Variants in CCDC159 observed in about 807,000 individuals in gnomAD.
The protein encoded by CCDC159 is coiled-coil domain containing 159, also known as coiled-coil domain-containing protein 159.
CCDC159 carries 40 observed loss-of-function variants against 50.9 expected under a neutral mutation model. The ratio of observed to expected loss-of-function variants is 0.79; its 90% CI spans 0.61 to 1.02. The LOEUF (loss-of-function observed/expected upper bound fraction) is 1.02. Among genes scored for constraint, CCDC159 ranks in the 50% least tolerant of loss-of-function variants. The pLI, the probability that CCDC159 is intolerant of heterozygous loss-of-function variation, is 0.00. For missense variants in CCDC159, 356 were observed against 371.5 expected (o/e 0.96, Z 0.34); for synonymous variants, 146 against 138.9 (o/e 1.05, Z -0.36).
In CCDC159 at chr19:11,354,618, TC is replaced by T; in HGVS notation, c.813del (p.Trp272GlyfsTer42). The T allele has an allele frequency of 6.2e-7, 1 of 1,601,888 alleles. No individual in the cohort carries two copies. The highest frequency in any genetic ancestry group is 1.7e-5 in the Admixed American group (1 of 58,058). Reference sequence around the variant, plus strand: ...CCAGTGCCTGAGCCCTCCACTCCCCTCCTGGGACTCTGACTCCGACTGTGAC... The same window carrying T: ...CCAGTGCCTGAGCCCTCCACTCCCCTCTGGGACTCTGACTCCGACTGTGAC... ...GHQCLSPPLP[S>X]WDSDSDCDQD... On this transcript the variant is annotated frameshift_variant, in exon 10 of 11. Transcript: ENST00000458408. LOFTEE classifies it high-confidence loss of function.
chr19:11,349,780 T>A, intron 2 of CCDC159, 93 bp downstream of exon 2: 1 of 1,226,242 alleles, frequency 8.2e-7, no homozygotes, highest in South Asian at 1.2e-5. Flanking sequence ...CCCCCTGCCA[T>A]GGTCACCCAT....
chr19:11,346,667 A>G, intron 1 of CCDC159, 40 bp downstream of exon 1: 1 of 1,547,656 alleles, frequency 6.5e-7, no homozygotes. Context: ...GCGGGTGTAG[A>G]TTTCACAACC....
At chr19:11,353,390 G>T in intron 7 of CCDC159, 61 bp from the exon 8 acceptor site, 3 of 1,507,734 alleles carry the variant, frequency 2.0e-6, no homozygotes, top group Non-Finnish European at 9.0e-7. Flanking sequence ...GTGAGCCACC[G>T]CGCCTGGCAC....
At chr19:11,348,707 A>C in intron 1 of CCDC159, 1 of 464,456 alleles carries the variant, frequency 2.2e-6, no homozygotes, top group Non-Finnish European at 4.3e-6. Flanking sequence ...CACTGGGGAC[A>C]TGGGGACTTA....
At chr19:11,350,716 A>G in intron 4 of CCDC159, 92 bp from the exon 5 acceptor site, 1 of 1,292,930 alleles carries the variant, frequency 7.7e-7, no homozygotes, top group Non-Finnish European at 1.0e-6. Context: ...AGGGTGAGGG[A>G]AATTGGGAGA....
At chr19:11,353,398 C>A in intron 7 of CCDC159, 53 bp from the exon 8 acceptor site, 1 of 1,523,734 alleles carries the variant, frequency 6.6e-7, no homozygotes, top group Non-Finnish European at 8.9e-7. Flanking sequence ...CCGCGCCTGG[C>A]ACTATTGTCA....
In CCDC159 at chr19:11,353,825, C is replaced by CA; in HGVS notation, c.724dup (p.Ser242LysfsTer34). The CA allele has an allele frequency of 6.3e-7, 1 of 1,598,654 alleles. No homozygotes were observed. The highest frequency in any genetic ancestry group is 8.5e-7 in the Non-Finnish European group (1 of 1,172,762). On this transcript the variant is annotated frameshift_variant, in exon 9 of 11. Transcript: ENST00000458408. LOFTEE classifies it high-confidence loss of function. ...TGCACGTGCTGCAGAACTCCATAGA[C>CA]AGCCTCACTTTGTGCTCGGGGGCCT...
Position 11,352,067 on chromosome 19 carries a change from G to C in CCDC159, c.501G>C (p.Glu167Asp). 1 of 1,613,802 alleles carries C rather than the reference G, an allele frequency of 6.2e-7. No homozygotes were observed. The change falls in exon 7 of 11, where the codon GAG (glutamate) becomes GAC (aspartate). Residue 167 changes from glutamate to aspartate, a missense_variant. By Grantham distance (45) the Glu-to-Asp change is conservative. Transcript: ENST00000458408. The stretch of plus-strand genomic sequence containing the variant: ...CCCCTCCCTCCACAGAAGCGCAGGA[G>C]GATGAGATCTCAGAGAACTTGGTGA... The part of the protein sequence containing the change: ...TFIYQKLQAQ[E>D]DEISENLVNI...
chr19:11,348,928 T>C (rs375848440), intron 1 of CCDC159: 75 of 1,300,612 alleles, frequency 5.8e-5, no homozygotes, highest in Admixed American at 7.6e-5. Flanking sequence ...ATGTGAGGAG[T>C]GCCCTGCACT....
Position 11,346,548 on chromosome 19 carries a change from G to C in CCDC159, c.-59G>C. The C allele has an allele frequency of 6.5e-7, 1 of 1,543,358 alleles. No homozygotes were observed. The highest frequency in any genetic ancestry group is 8.8e-7 in the Non-Finnish European group (1 of 1,139,546). ...CAGTCTCTGAGCGTTTTAATACGAT[G>C]GTGTCCCCGCGGGATCAAACTTCAG... On this transcript the variant is annotated 5_prime_UTR_variant, in exon 1 of 11. The change abolishes an upstream ATG in the 5' untranslated region. Transcript: ENST00000458408.
Position 11,346,522 on chromosome 19 carries a change from T to G in CCDC159, c.-85T>G. 6.7e-7 allele frequency: 1 copy of G among 1,490,768 alleles called. No homozygotes were observed. The highest frequency in any genetic ancestry group is 9.2e-7 in the Non-Finnish European group (1 of 1,092,622). 92.3% of individuals were successfully genotyped at this position (1,490,768 alleles called of 1,614,324 possible). A position where few individuals can be genotyped will look rare whatever the true frequency, so the allele number is the denominator to read the frequency against. Reference sequence around the variant, plus strand: ...TGCCGGCCACACCCCTCTCTGTGACTCAGTCTCTGAGCGTTTTAATACGAT... The same window carrying G: ...TGCCGGCCACACCCCTCTCTGTGACGCAGTCTCTGAGCGTTTTAATACGAT... On this transcript the variant is annotated 5_prime_UTR_variant, in exon 1 of 11. Coordinates refer to ENST00000458408, the MANE Select transcript of CCDC159 (RefSeq NM_001080503.3).
intron 1 of CCDC159, 89 bp downstream of exon 1, chr19:11,346,716 T>TA (rs1013366150): frequency 4.9e-6 from 7 of 1,424,914 alleles, no homozygotes; most frequent in Non-Finnish European, 4.8e-6. Context: ...GCCCCCTCCC[T>TA]AAATAATTCT....
chr19:11,350,710 T>G (rs1599383584), intron 4 of CCDC159, 98 bp from the exon 5 acceptor site: 6 of 1,213,256 alleles, frequency 4.9e-6, no homozygotes, highest in Admixed American at 2.9e-5. Flanking sequence ...CAGGCCAGGG[T>G]GAGGGAAATT....
Position 11,349,668 on chromosome 19 carries a change from C to T in CCDC159, c.36C>T (p.Thr12=). The T allele has an allele frequency of 6.2e-7, 1 of 1,612,576 alleles. No homozygotes were observed. Among genetic ancestry groups the T allele is most frequent in the Non-Finnish European group, 8.5e-7 (1 of 1,178,984 alleles). The change falls in exon 2 of 11, where the codon ACC becomes ACT. Residue 12 remains threonine, a synonymous_variant. Coordinates refer to ENST00000458408, the MANE Select transcript of CCDC159 (RefSeq NM_001080503.3). ...GEHEQVKPLE[T]SSSKVKAKTI... is the part of the protein sequence containing the mutation. The stretch of plus-strand genomic sequence containing the variant: ...CTCTTCCTTAGAAGCCCTTGGAGAC[C>T]AGCTCTTCCAAAGTCAAAGGTGAGA...
chr19:11,354,617 C>T lies in CCDC159; in HGVS notation c.810C>T (p.Pro270=), dbSNP rs537668849. Residue 270 remains proline (P), a synonymous_variant, in exon 10 of 11, where the codon CCC becomes CCT. Coordinates refer to ENST00000458408, the MANE Select transcript of CCDC159 (RefSeq NM_001080503.3). ...ACCAGTGCCTGAGCCCTCCACTCCC[C>T]TCCTGGGACTCTGACTCCGACTGTG... ...KGHQCLSPPL[P]SWDSDSDCDQ... is the part of the protein sequence containing the mutation. 1.9e-6 allele frequency: 3 copies of T among 1,601,662 alleles called. No homozygotes were observed. The highest frequency in any genetic ancestry group is 2.6e-6 in the Non-Finnish European group (3 of 1,174,102).
chr19:11,353,993 T>A, intron 9 of CCDC159, 119 bp downstream of exon 9: 1 of 776,084 alleles, frequency 1.3e-6, no homozygotes, highest in Non-Finnish European at 2.0e-6. Flanking sequence ...ATGGTCACAT[T>A]AAGTAGTGTT....
intron 1 of CCDC159, among the ~76,000 whole-genome samples, chr19:11,347,279 C>A (rs1967295792): frequency 6.6e-6 from 1 of 151,904 alleles, no homozygotes; most frequent in Non-Finnish European, 1.5e-5. Context: ...AAAATAGGAG[C>A]CTAAAAAAGG....
intron 7 of CCDC159, 81 bp downstream of exon 7, chr19:11,352,214 G>T: frequency 3.6e-6 from 5 of 1,393,602 alleles, no homozygotes; most frequent in Non-Finnish European, 5.0e-6. Context: ...CCATGAGATT[G>T]GAGCCTGGGT....
rs1041378925 is a variant in CCDC159, at chr19:11,353,665, C to G, written c.689+93C>G. 4.4e-6 allele frequency: 7 copies of G among 1,584,464 alleles called. No homozygotes were observed. The African/African-American group carries it at 9.5e-5, about 21-fold the overall frequency. ...GTGACCACCAGAACCTGGAGCCCACCTGAGTCCAGACTTCCCTCACCCCCT... is the reference window on the plus strand; with the variant it reads ...GTGACCACCAGAACCTGGAGCCCACGTGAGTCCAGACTTCCCTCACCCCCT... On this transcript the variant is annotated intron_variant, in intron 8 of 10. Transcript: ENST00000458408.
Sources: allele counts gnomAD v4.1 joint callset (sites outside exome capture counted in the v4.1 genomes callset), GRCh38; gene constraint gnomAD v4.1.1; transcripts MANE v1.5; gene names NCBI Gene and HGNC (gene_info 2026-07-23, HGNC 2026-07-21).